The following MAX variants were observed in gnomAD, a reference collection of about 807,000 sequenced individuals.
MAX encodes the protein protein max.
A neutral mutation model predicts 22.3 loss-of-function variants in MAX; 3 were observed. The observed-to-expected ratio is 0.13, with a 90% CI of 0.06 to 0.35. The LOEUF is 0.35. MAX is among the 10% of genes least tolerant of loss of function. MAX has a pLI of 1.00. For synonymous variants in MAX, 72 were observed against 77.7 expected, an observed-to-expected ratio of 0.93 and a Z score of 0.39; for missense variants, 119 against 209.4, an observed-to-expected ratio of 0.57 and a Z score of 2.66.
At position 65,055,588 on chromosome 14, in the gene MAX, C is replaced by G. The variant is rs555578841; in HGVS notation, c.171+38120G>C. 2.0e-5 allele frequency among the ~76,000 whole-genome samples: 3 copies of G among 152,026 alleles called. No homozygotes were observed. The South Asian group carries it at 6.2e-4, about 32-fold the overall frequency. On this transcript the variant is annotated intron_variant, in intron 3 of 3. Coordinates refer to the MAX transcript ENST00000341653. ...CTGGAGTACAGTGGCATGATATTGG[C>G]TCACTGCAACCTCCACCTCCCAGGT...
downstream of MAX, among the ~76,000 whole-genome samples, chr14:65,072,307 C>A (rs940271152): frequency 1.3e-5 from 2 of 152,144 alleles, no homozygotes; most frequent in Non-Finnish European, 2.9e-5. Flanking sequence ...GTAGGCAGCC[C>A]TCAGCTTTCT....
At chr14:65,089,480 A>C (rs1190129950) in intron 3 of MAX, among the ~76,000 whole-genome samples, 1 of 152,064 alleles carries the variant, frequency 6.6e-6, no homozygotes, top group African/African-American at 2.4e-5. Context: ...ATTACTATAA[A>C]CCACTGTAGA....
rs930914987 is a variant in MAX, at chr14:65,014,274, T to G, written c.172-7990A>C. ...CTAGCCTTGAATGCTCAATAATCAT[T>G]TATGGTTTAATTAGGATCAAGAGCC... On this transcript the variant is annotated intron_variant, in intron 3 of 3. Coordinates refer to the MAX transcript ENST00000341653. This position sits in a 1 kb window ranked among gnomAD's most constrained non-coding sequence, Gnocchi z 5.1. Among the ~76,000 whole-genome samples, 1 of 152,196 alleles carries G rather than the reference T, an allele frequency of 6.6e-6. No homozygotes were observed. The highest frequency in any genetic ancestry group is 6.5e-5 in the Admixed American group (1 of 15,280).
chr14:65,020,361 C>T (rs1459751249), intron 3 of MAX, among the ~76,000 whole-genome samples: 1 of 152,206 alleles, frequency 6.6e-6, no homozygotes, highest in African/African-American at 2.4e-5. Flanking sequence ...GATCCTCCTG[C>T]CTTAGCCTCC....
At chr14:65,042,344 A>T (rs973764585) in intron 3 of MAX, among the ~76,000 whole-genome samples, 1 of 152,192 alleles carries the variant, frequency 6.6e-6, no homozygotes, top group East Asian at 1.9e-4. Flanking sequence ...GTTTTCTTTC[A>T]ACTAGACAGT....
chr14:65,031,479 A>T lies in MAX; in HGVS notation c.172-25195T>A, dbSNP rs1444843158. On this transcript the variant is annotated intron_variant, in intron 3 of 3. Transcript: ENST00000341653. The surrounding 1 kb of genome is among the most constrained non-coding windows in gnomAD (Gnocchi z 4.6). ...ACTACGGGCACACGCCACCATGCCC[A>T]GCTAATTTTTGTGTTTTTAGTGGAG... Among the ~76,000 whole-genome samples the T allele has an allele frequency of 6.6e-6, 1 of 151,916 alleles. No individual in the cohort carries two copies. The highest frequency in any genetic ancestry group is 2.0e-4 in the East Asian group (1 of 5,066).
In MAX at chr14:65,009,856, C is replaced by T. The variant is rs190015204; in HGVS notation, c.172-3572G>A. ...CATCTCTTCCCGTGGCTGATCACAG[C>T]GTTTATTGGACAGGGCTCTGCTTGT... On this transcript the variant is annotated intron_variant, in intron 3 of 3. Transcript: ENST00000341653. This position sits in a 1 kb window ranked among gnomAD's most constrained non-coding sequence, Gnocchi z 4.2. Among the ~76,000 whole-genome samples, 240 of 152,192 alleles carry T rather than the reference C, an allele frequency of 1.6e-3. 4 individuals are homozygous for T. Among genetic ancestry groups the T allele is most frequent in the Admixed American group, 9.7e-3 (148 of 15,282 alleles).
chr14:65,033,823 C>G (rs1257422368), intron 3 of MAX, among the ~76,000 whole-genome samples: 1 of 152,174 alleles, frequency 6.6e-6, no homozygotes, highest in African/African-American at 2.4e-5. Context: ...CGCCACTGCA[C>G]TCCAGCCTGG....
chr14:65,057,713 T>G (rs1481352296), intron 3 of MAX, among the ~76,000 whole-genome samples: 1 of 152,244 alleles, frequency 6.6e-6, no homozygotes, highest in Non-Finnish European at 1.5e-5. Context: ...TTTTTAATTC[T>G]CTTGGATTTG....
chr14:65,008,237 C>T (rs2061626618), intron 3 of MAX, among the ~76,000 whole-genome samples: 2 of 152,228 alleles, frequency 1.3e-5, no homozygotes, highest in South Asian at 4.1e-4. Flanking sequence ...GACTGAATCC[C>T]CTGTCCTCTC....
At chr14:65,020,601 T>G (rs922066824) in intron 3 of MAX, among the ~76,000 whole-genome samples, 4 of 151,574 alleles carry the variant, frequency 2.6e-5, no homozygotes, top group Admixed American at 1.3e-4. Context: ...ACCCGGCTAA[T>G]TTTTGTATTT....
chr14:65,066,716 T>C (rs1054447104), intron 3 of MAX, among the ~76,000 whole-genome samples: 69 of 151,528 alleles, frequency 4.6e-4, no homozygotes, highest in Middle Eastern at 3.4e-3. Flanking sequence ...TAGCCGCGCA[T>C]GGTGGTGCAT....
At position 65,012,050 on chromosome 14, in the gene MAX, G is replaced by A; in HGVS notation, c.172-5766C>T. The A allele has an allele frequency of 2.6e-6, 1 of 389,818 alleles. No homozygotes were observed. The highest frequency in any genetic ancestry group is 4.9e-5 in the East Asian group (1 of 20,240). The allele number at this position is 389,818 out of a possible 1,614,324, so 24.1% of individuals were successfully genotyped here. The stretch of plus-strand genomic sequence containing the variant: ...TGTGCTCATTGCGGCTTTTCCGTTA[G>A]CCCAAAGTCACTGCCTTTAGGAGAC... On this transcript the variant is annotated intron_variant, in intron 3 of 3. Coordinates refer to the MAX transcript ENST00000341653. The surrounding 1 kb of genome is among the most constrained non-coding windows in gnomAD (Gnocchi z 5.0).
chr14:65,083,528 A>G (rs902495668), intron 3 of MAX, among the ~76,000 whole-genome samples: 3 of 152,184 alleles, frequency 2.0e-5, no homozygotes, highest in African/African-American at 7.2e-5. Context: ...GAGGTGAGGA[A>G]AAGAATAGTA....
Position 65,023,435 on chromosome 14 carries a change from G to A in MAX, c.172-17151C>T, listed in dbSNP as rs149983899. On this transcript the variant is annotated intron_variant, in intron 3 of 3. Coordinates refer to the MAX transcript ENST00000341653. This position sits in a 1 kb window ranked among gnomAD's most constrained non-coding sequence, Gnocchi z 4.1. ...CTCCTTATAAGGCTGAGAGGCAATC[G>A]CTGATATCCCTGCTTTGAACTTGAC... is the stretch of plus-strand genomic sequence containing the variant. Among the ~76,000 whole-genome samples, 184 of 152,250 alleles carry A rather than the reference G, an allele frequency of 1.2e-3. 5 individuals carry two copies. The East Asian group carries it at 0.028, about 23-fold the overall frequency.
Position 65,084,274 on chromosome 14 carries a change from C to T in MAX, c.172-6238G>A. The T allele has an allele frequency of 6.2e-7, 1 of 1,607,604 alleles. No homozygotes were observed. The highest frequency in any genetic ancestry group is 1.1e-5 in the South Asian group (1 of 90,928). On this transcript the variant is annotated intron_variant, in intron 3 of 4. Coordinates refer to ENST00000358664, the MANE Select transcript of MAX (RefSeq NM_002382.5). The surrounding 1 kb of genome is among the most constrained non-coding windows in gnomAD (Gnocchi z 4.3). ...ACTTTGACGATGAAGGACAGGAGTA[C>T]ACAATTTCCAAAAGAGGAAATAGAG...
At chr14:65,066,428 G>A (rs1427841485) in intron 3 of MAX, among the ~76,000 whole-genome samples, 1 of 152,156 alleles carries the variant, frequency 6.6e-6, no homozygotes, top group Non-Finnish European at 1.5e-5. Context: ...CCTCCCTCCC[G>A]CTTCTCTGGC....
intron 3 of MAX, among the ~76,000 whole-genome samples, chr14:65,057,667 T>C (rs2062768107): frequency 1.3e-5 from 2 of 152,240 alleles, no homozygotes; most frequent in Admixed American, 6.5e-5. Context: ...GTGTAACTTC[T>C]TCTAAATAGT....
chr14:65,083,647 C>T, intron 3 of MAX: 7 of 870,830 alleles, frequency 8.0e-6, no homozygotes, highest in Non-Finnish European at 9.8e-6. Flanking sequence ...CTTCAGTGCC[C>T]AAAACAGATG....
Sources: allele counts gnomAD v4.1 joint callset (sites outside exome capture counted in the v4.1 genomes callset), GRCh38; gene constraint gnomAD v4.1.1; non-coding constraint Gnocchi (gnomAD v3.1); transcripts MANE v1.5; gene names NCBI Gene and HGNC (gene_info 2026-07-23, HGNC 2026-07-21).